The following DZIP3 variants were observed in gnomAD, a reference collection of about 807,000 sequenced individuals.
DZIP3 encodes the protein DAZ interacting zinc finger protein 3, also known as E3 ubiquitin-protein ligase DZIP3.
In DZIP3, 118 loss-of-function variants were observed where a neutral mutation model predicts 162.0. The ratio of observed to expected loss-of-function variants is 0.73; its 90% CI spans 0.63 to 0.85. DZIP3 has a LOEUF of 0.85. Among genes scored for constraint, DZIP3 ranks in the 40% least tolerant of loss-of-function variants. The pLI is 0.00. For missense variants in DZIP3, 1,331 were observed against 1,407.0 expected, an observed-to-expected ratio of 0.95 and a Z score of 0.86; for synonymous variants, 438 against 458.6, an observed-to-expected ratio of 0.96 and a Z score of 0.57.
chr3:108,625,718 A>G, intron 6 of DZIP3, 127 bp from the exon 7 acceptor site: 1 of 907,538 alleles, frequency 1.1e-6, no homozygotes, highest in East Asian at 2.8e-5. Flanking sequence ...GAATGTGAAT[A>G]AATGACCAGA....
chr3:108,611,393 A>T, intron 4 of DZIP3, 64 bp downstream of exon 4: 1 of 1,573,228 alleles, frequency 6.4e-7, no homozygotes, highest in Admixed American at 2.0e-5. Context: ...TTTTTAATTA[A>T]AATTCTTTTT....
chr3:108,631,732 T>A (rs750756783), intron 8 of DZIP3, among the ~76,000 whole-genome samples: 9 of 151,300 alleles, frequency 5.9e-5, no homozygotes, highest in Non-Finnish European at 1.2e-4. Context: ...AATCAACTTC[T>A]AAGAAACTTG....
At chr3:108,675,702 G>A in intron 24 of DZIP3, 84 bp from the exon 25 acceptor site, 1 of 1,203,122 alleles carries the variant, frequency 8.3e-7, no homozygotes. Flanking sequence ...TGACATATAT[G>A]CTAGAAAGCG....
At chr3:108,682,105 T>G (rs1576467662) in intron 26 of DZIP3, among the ~76,000 whole-genome samples, 1 of 150,544 alleles carries the variant, frequency 6.6e-6, no homozygotes, top group East Asian at 1.9e-4. Context: ...ACAGCTATTA[T>G]CAAAAAACAA....
intron 1 of DZIP3, among the ~76,000 whole-genome samples, chr3:108,601,402 A>C (rs369358041): frequency 6.6e-6 from 1 of 152,210 alleles, no homozygotes; most frequent in East Asian, 1.9e-4. Context: ...TAGTTCCAAA[A>C]TTGAGAGAGC....
At chr3:108,636,807 T>G in intron 11 of DZIP3, 99 bp downstream of exon 11, 2 of 803,616 alleles carry the variant, frequency 2.5e-6, no homozygotes, top group Non-Finnish European at 4.0e-6. Flanking sequence ...ATAATTAGAT[T>G]CCAGCCATAT....
rs76480863 is a variant in DZIP3, at chr3:108,694,160, G to T, written c.*807G>T. 2.3e-4 allele frequency: 35 copies of T among 152,136 alleles called. 1 individual carries two copies. Among genetic ancestry groups the T allele is most frequent in the Non-Finnish European group, 3.7e-4 (25 of 67,986 alleles). The allele number at this position is 152,136 out of a possible 1,614,324, so 9.4% of individuals were successfully genotyped here. A position where few individuals can be genotyped will look rare whatever the true frequency, so the allele number is the denominator to read the frequency against. ...CCATATTTCAGTGCAAATATATTTT[G>T]AAGTTACTTTTAAATATTTATTTAA... is the stretch of plus-strand genomic sequence containing the variant. On this transcript the variant is annotated 3_prime_UTR_variant, in exon 33 of 33. Transcript: ENST00000361582.
At chr3:108,657,164 G>A (rs1016226447) in intron 19 of DZIP3, among the ~76,000 whole-genome samples, 12 of 152,118 alleles carry the variant, frequency 7.9e-5, no homozygotes, top group Non-Finnish European at 1.5e-5. Flanking sequence ...CTCGAGAAGA[G>A]CAACTCCAAG....
chr3:108,616,629 T>G lies in DZIP3; in HGVS notation c.347T>G (p.Leu116Arg). The change falls in exon 5 of 33, where the codon CTT becomes CGT. Residue 116 changes from leucine (L) to arginine (R), a missense_variant. Coordinates refer to ENST00000361582, the MANE Select transcript of DZIP3 (RefSeq NM_014648.4). Reference protein sequence around the residue: ...RFLITQLEAALRNIQAGNYTA... With the variant: ...RFLITQLEAARRNIQAGNYTA... The stretch of plus-strand genomic sequence containing the variant: ...TTGATTACACAGCTAGAAGCAGCAC[T>G]TAGGAACATTCAAGCTGGCAATTAT... 6.3e-7 allele frequency: 1 copy of G among 1,598,964 alleles called. No individual in the cohort carries two copies. The highest frequency in any genetic ancestry group is 8.5e-7 in the Non-Finnish European group (1 of 1,173,606).
rs944393587 is a variant in DZIP3, at chr3:108,692,984, A to G, written c.*7-376A>G. On this transcript the variant is annotated intron_variant, in intron 32 of 32. Coordinates refer to ENST00000361582, the MANE Select transcript of DZIP3 (RefSeq NM_014648.4). ...GAAATTTTATGCTGTTCTCTTGTCAATCTGTCTTTTGTTATCTTGCTGGTG... is the reference window on the plus strand; with the variant it reads ...GAAATTTTATGCTGTTCTCTTGTCAGTCTGTCTTTTGTTATCTTGCTGGTG... 1.3e-4 allele frequency among the ~76,000 whole-genome samples: 20 copies of G among 150,926 alleles called. No homozygotes were observed. In the East Asian group the frequency reaches 1.9e-3, roughly 15 times the overall value.
intron 19 of DZIP3, among the ~76,000 whole-genome samples, chr3:108,660,190 A>C: frequency 6.6e-6 from 1 of 152,224 alleles, no homozygotes; most frequent in Non-Finnish European, 1.5e-5. Context: ...AGTCAATCCT[A>C]AGGCACAAGA....
At chr3:108,684,458 G>C in intron 27 of DZIP3, 117 bp downstream of exon 27, 1 of 1,276,942 alleles carries the variant, frequency 7.8e-7, no homozygotes. Flanking sequence ...TGGGGGTGGT[G>C]GTGATAATTG....
Position 108,642,523 on chromosome 3 carries a change from T to G in DZIP3, c.1141+9T>G. 6.9e-7 allele frequency: 1 copy of G among 1,447,238 alleles called. No homozygotes were observed. The highest frequency in any genetic ancestry group is 2.6e-5 in the East Asian group (1 of 38,002). The allele number at this position is 1,447,238 out of a possible 1,614,324, so 89.6% of individuals were successfully genotyped here. ...AAAATTTAATACAAAAGGTATTATT[T>G]TATTTTTATATGCCTTCTGTTGAAA... On this transcript the variant is annotated intron_variant, in intron 13 of 32. Transcript: ENST00000361582.
chr3:108,647,007 T>A (rs1164067371), intron 15 of DZIP3, among the ~76,000 whole-genome samples: 6 of 152,064 alleles, frequency 3.9e-5, no homozygotes, highest in African/African-American at 1.4e-4. Flanking sequence ...CGCCACTGCA[T>A]TCCAGCCTGG....
At chr3:108,618,094 G>A (rs1409075578) in intron 5 of DZIP3, among the ~76,000 whole-genome samples, 1 of 152,206 alleles carries the variant, frequency 6.6e-6, no homozygotes, top group South Asian at 2.1e-4. Context: ...TGTATTATGG[G>A]GGTGCAGTTG....
At chr3:108,675,188 A>G (rs1576458173) in intron 24 of DZIP3, among the ~76,000 whole-genome samples, 1 of 151,958 alleles carries the variant, frequency 6.6e-6, no homozygotes, top group South Asian at 2.1e-4. Flanking sequence ...AACAACTTCA[A>G]AGTTGTTCCT....
intron 16 of DZIP3, chr3:108,648,649 G>T: frequency 4.8e-6 from 1 of 207,444 alleles, no homozygotes; most frequent in Admixed American, 5.6e-5. Flanking sequence ...ATCCATGTGT[G>T]TAAGTGAGCA....
chr3:108,600,719 G>A (rs1440588063), intron 1 of DZIP3, among the ~76,000 whole-genome samples: 1 of 152,062 alleles, frequency 6.6e-6, no homozygotes, highest in African/African-American at 2.4e-5. Flanking sequence ...CTTATATAGT[G>A]CTTACTACGT....
chr3:108,654,476 T>G, intron 19 of DZIP3, 166 bp downstream of exon 19: 1 of 679,980 alleles, frequency 1.5e-6, no homozygotes. Context: ...GAAAATAGAA[T>G]AAGGAAAAAA....
Sources: allele counts gnomAD v4.1 joint callset (sites outside exome capture counted in the v4.1 genomes callset), GRCh38; gene constraint gnomAD v4.1.1; transcripts MANE v1.5; gene names NCBI Gene and HGNC (gene_info 2026-07-23, HGNC 2026-07-21).